Variants in PCDHGB6 observed in about 807,000 individuals in gnomAD.
PCDHGB6 encodes protocadherin gamma subfamily B, 6.
A neutral mutation model predicts 59.1 loss-of-function variants in PCDHGB6; 51 were observed. That is an observed-to-expected ratio of 0.86 (90% CI 0.69 to 1.09). The LOEUF (loss-of-function observed/expected upper bound fraction) is 1.09, where lower values mean the gene tolerates loss of function less well. PCDHGB6 is among the 50% of genes least tolerant of loss of function. The pLI is 0.00. For synonymous variants in PCDHGB6, 466 were observed against 495.1 expected (o/e 0.94, Z 0.78); for missense variants, 1,148 against 1,205.1 (o/e 0.95, Z 0.70).
chr5:141,423,327 A>C, intron 1 of PCDHGB6: 1 of 1,614,100 alleles, frequency 6.2e-7, no homozygotes, highest in Non-Finnish European at 8.5e-7. Context: ...CGGTGGCCGC[A>C]GTCTCCTGCA....
At position 141,480,425 on chromosome 5, in the gene PCDHGB6, AT is replaced by A. The variant is rs553131122; in HGVS notation, c.2419-14380del. On this transcript the variant is annotated intron_variant, in intron 1 of 3. Transcript: ENST00000520790. ...GTGAGACCCTGTCTCAAAAAAAAAA[AT>A]TATCAGCTATTACTATAATTATTTT... 2.3e-4 allele frequency among the ~76,000 whole-genome samples: 34 copies of A among 149,340 alleles called. 1 individual carries two copies. In the South Asian group the frequency reaches 6.0e-3, roughly 26 times the overall value.
chr5:141,433,993 T>C (rs1367687577), intron 1 of PCDHGB6, among the ~76,000 whole-genome samples: 1 of 152,216 alleles, frequency 6.6e-6, no homozygotes, highest in Admixed American at 6.5e-5. Flanking sequence ...GAGTTTTATA[T>C]TCTCTATATA....
chr5:141,420,669 G>A (rs1018355067), intron 1 of PCDHGB6, among the ~76,000 whole-genome samples: 2 of 152,202 alleles, frequency 1.3e-5, no homozygotes, highest in South Asian at 2.1e-4. Context: ...CATCCTACCT[G>A]ATGATTTTAT....
In PCDHGB6 at chr5:141,487,439, T is replaced by C. The variant is rs201458212; in HGVS notation, c.2419-7368T>C. 1 of 1,613,926 alleles carries C rather than the reference T, an allele frequency of 6.2e-7. No individual in the cohort carries two copies. Among genetic ancestry groups the C allele is most frequent in the South Asian group, 1.1e-5 (1 of 91,066 alleles). ...TGGGATCCTCCGAATCCAGCTAGGG[T>C]CAGATGACCCTATCAAGTTTGTTGA... is the stretch of plus-strand genomic sequence containing the variant. On this transcript the variant is annotated intron_variant, in intron 1 of 3. Transcript: ENST00000520790. This position sits in a 1 kb window ranked among gnomAD's most constrained non-coding sequence, Gnocchi z 5.0.
At position 141,454,263 on chromosome 5, in the gene PCDHGB6, T is replaced by C. The variant is rs954231508; in HGVS notation, c.2419-40544T>C. Among the ~76,000 whole-genome samples, 42 of 152,140 alleles carry C rather than the reference T, an allele frequency of 2.8e-4. 1 individual carries two copies. Among genetic ancestry groups the C allele is most frequent in the South Asian group, 1.0e-3 (5 of 4,826 alleles). On this transcript the variant is annotated intron_variant, in intron 1 of 3. Coordinates refer to ENST00000520790, the MANE Select transcript of PCDHGB6 (RefSeq NM_018926.3). Reference sequence around the variant, plus strand: ...GATGAAGATGTCCCAGAGAAAGTAATGCCAGCAAAAACTTCACATTAAAGG... The same window carrying C: ...GATGAAGATGTCCCAGAGAAAGTAACGCCAGCAAAAACTTCACATTAAAGG...
At chr5:141,507,429 G>C (rs1191174823) in intron 3 of PCDHGB6, 3 of 152,238 alleles carry the variant, frequency 2.0e-5, no homozygotes, top group African/African-American at 7.2e-5. Flanking sequence ...AGTGGGGCCA[G>C]GCCTACAGCT....
At chr5:141,504,450 T>C (rs931613781) in intron 2 of PCDHGB6, among the ~76,000 whole-genome samples, 1 of 151,918 alleles carries the variant, frequency 6.6e-6, no homozygotes, top group Non-Finnish European at 1.5e-5. Context: ...ACTAGTGCCA[T>C]GTGGGGCAGC....
At position 141,476,717 on chromosome 5, in the gene PCDHGB6, G is replaced by A. The variant is rs2099397053; in HGVS notation, c.2419-18090G>A. 6.2e-7 allele frequency: 1 copy of A among 1,614,048 alleles called. No homozygotes were observed. The stretch of plus-strand genomic sequence containing the variant: ...GTACGCGGAGCTGGTGTTGGAGCGC[G>A]CCCTGGACCGAGAACGGGAGCCTAG... On this transcript the variant is annotated intron_variant, in intron 1 of 3. Transcript: ENST00000520790. This position sits in a 1 kb window ranked among gnomAD's most constrained non-coding sequence, Gnocchi z 7.6.
At chr5:141,420,370 T>A in intron 1 of PCDHGB6, 1 of 1,352,032 alleles carries the variant, frequency 7.4e-7, no homozygotes, top group South Asian at 1.8e-5. Flanking sequence ...GATAACTTCT[T>A]CATAGAGTTC....
intron 1 of PCDHGB6, chr5:141,413,330 T>G (rs770842309): frequency 6.2e-7 from 1 of 1,613,812 alleles, no homozygotes; most frequent in Non-Finnish European, 8.5e-7. Context: ...GTGGGCAACA[T>G]CTCCAAGGAC....
At chr5:141,416,132 A>G (rs939839074) in intron 1 of PCDHGB6, 1 of 153,964 alleles carries the variant, frequency 6.5e-6, no homozygotes, top group Non-Finnish European at 1.4e-5. Flanking sequence ...ATATTTTTCA[A>G]TCTATACTTT....
intron 1 of PCDHGB6, chr5:141,423,748 T>TG: frequency 7.2e-6 from 2 of 278,014 alleles, no homozygotes; most frequent in Admixed American, 4.2e-4. Flanking sequence ...ATGAAAACTG[T>TG]TTGGGGGGGG....
intron 1 of PCDHGB6, among the ~76,000 whole-genome samples, chr5:141,435,951 G>C (rs371199258): frequency 3.9e-5 from 6 of 152,100 alleles, no homozygotes; most frequent in African/African-American, 1.4e-4. Flanking sequence ...ACCAAAAAAG[G>C]GGGCAAAATA....
chr5:141,478,394 G>A, intron 1 of PCDHGB6: 1 of 1,613,586 alleles, frequency 6.2e-7, no homozygotes, highest in Non-Finnish European at 8.5e-7. Context: ...TTACCATCAG[G>A]TGTATCTCAC....
At chr5:141,494,938 G>A in intron 2 of PCDHGB6, 73 bp downstream of exon 2, 1 of 1,611,916 alleles carries the variant, frequency 6.2e-7, no homozygotes, top group South Asian at 1.1e-5. Context: ...AGGAGATGGG[G>A]GAGGGCCCAG....
At chr5:141,478,644 T>G in intron 1 of PCDHGB6, 1 of 1,552,238 alleles carries the variant, frequency 6.4e-7, no homozygotes, top group South Asian at 1.2e-5. Context: ...GATGAAGATG[T>G]TTTCCTGGTG....
chr5:141,450,829 A>ATTT (rs373424450), intron 1 of PCDHGB6, among the ~76,000 whole-genome samples: 12,063 of 134,876 alleles, frequency 0.089, 619 homozygotes, highest in African/African-American at 0.14. Flanking sequence ...TATTATTATT[A>ATTT]TTTTTTTTTT....
At chr5:141,426,925 A>G in intron 1 of PCDHGB6, 1 of 456,756 alleles carries the variant, frequency 2.2e-6, no homozygotes, top group Non-Finnish European at 4.4e-6. Flanking sequence ...GAAGCAATGG[A>G]CATGGGTGAC....
At chr5:141,419,547 T>C (rs2096397603) in intron 1 of PCDHGB6, 6 of 1,612,070 alleles carry the variant, frequency 3.7e-6, no homozygotes, top group Non-Finnish European at 5.1e-6. Context: ...CCGCGGGTGC[T>C]GTACCCTGCG....
Sources: gnomAD v4.1 joint callset for allele counts (sites outside exome capture counted in the v4.1 genomes callset) on GRCh38, gnomAD v4.1.1 for gene constraint, Gnocchi (gnomAD v3.1) non-coding constraint, MANE v1.5 for transcripts, NCBI Gene and HGNC (gene_info 2026-07-23, HGNC 2026-07-21) for gene names.